The following DSE variants were observed in gnomAD, a reference collection of about 807,000 sequenced individuals.
DSE encodes dermatan sulfate epimerase.
Under a neutral mutation model 84.4 loss-of-function variants are expected in DSE, and 36 were observed. The observed-to-expected ratio is 0.43, with a 90% CI of 0.33 to 0.56. The LOEUF is 0.56. DSE is among the 20% of genes least tolerant of loss of function. The pLI is 0.06. For synonymous variants in DSE, 410 were observed against 430.1 expected (o/e 0.95, Z 0.58); for missense variants, 862 against 1,169.6 (o/e 0.74, Z 3.84).
At chr6:116,340,769 C>A (rs1220208064) in intron 2 of DSE, among the ~76,000 whole-genome samples, 1 of 152,012 alleles carries the variant, frequency 6.6e-6, no homozygotes, top group African/African-American at 2.4e-5. Flanking sequence ...ATAGTTTGCT[C>A]AGAATGATGG....
At chr6:116,262,044 G>A (rs1772436162) in intron 2 of DSE, among the ~76,000 whole-genome samples, 1 of 152,306 alleles carries the variant, frequency 6.6e-6, no homozygotes, top group South Asian at 2.1e-4. Flanking sequence ...AAAGATATTG[G>A]CCTGAAATTT....
intron 2 of DSE, among the ~76,000 whole-genome samples, chr6:116,363,504 T>A (rs1779016199): frequency 6.6e-6 from 1 of 152,046 alleles, no homozygotes; most frequent in Non-Finnish European, 1.5e-5. Flanking sequence ...AACAGGAAAT[T>A]CAGAAAATTG....
At chr6:116,355,851 A>T (rs1249560924) in intron 2 of DSE, 1 of 152,224 alleles carries the variant, frequency 6.6e-6, no homozygotes, top group Admixed American at 6.5e-5. Flanking sequence ...ACATTTGCTC[A>T]TTGTTCTTTA....
chr6:116,435,403 A>G (rs973454736), intron 5 of DSE, among the ~76,000 whole-genome samples, 184 bp from the exon 6 acceptor site: 4 of 152,222 alleles, frequency 2.6e-5, no homozygotes, highest in Admixed American at 6.5e-5. Flanking sequence ...TTCCTCTTCC[A>G]GTCACCAAGG....
chr6:116,337,977 G>C (rs957107847), intron 2 of DSE, among the ~76,000 whole-genome samples: 5 of 151,920 alleles, frequency 3.3e-5, no homozygotes, highest in Non-Finnish European at 1.5e-5. Flanking sequence ...TGATTATGAA[G>C]ACTATAACTT....
intron 2 of DSE, among the ~76,000 whole-genome samples, chr6:116,413,251 C>T (rs1230290998): frequency 6.6e-6 from 1 of 152,182 alleles, no homozygotes; most frequent in Non-Finnish European, 1.5e-5. Flanking sequence ...TATGCCTTGT[C>T]CTCATTTTCT....
chr6:116,404,745 G>A (rs1781805998), intron 2 of DSE, among the ~76,000 whole-genome samples: 1 of 152,190 alleles, frequency 6.6e-6, no homozygotes, highest in Non-Finnish European at 1.5e-5. Flanking sequence ...TAGGTTTCTT[G>A]GTACACAGTA....
chr6:116,436,707 C>A lies in DSE; in HGVS notation c.2239C>A (p.Gln747Lys), dbSNP rs1784181791. 2 of 1,614,042 alleles carry A rather than the reference C, an allele frequency of 1.2e-6. No individual in the cohort carries two copies. Among genetic ancestry groups the A allele is most frequent in the Non-Finnish European group, 1.7e-6 (2 of 1,180,028 alleles). Residue 747 changes from glutamine to lysine, a missense_variant, in exon 6 of 6, where the codon CAG (glutamine) becomes AAG (lysine). This residue lies in a region of DSE where 315 missense variants were observed against 348.1 expected (regional missense o/e 0.90). Transcript: ENST00000644252. Reference sequence around the variant, plus strand: ...TGCTGCTATTGTGGAACAGAACTTGCAGCATTTTAAACCAGTGTTTCAGCT... The same window carrying A: ...TGCTGCTATTGTGGAACAGAACTTGAAGCATTTTAAACCAGTGTTTCAGCT... ...DYAAIVEQNL[Q>K]HFKPVFQLLE...
chr6:116,310,476 G>C (rs1775627174), intron 2 of DSE, among the ~76,000 whole-genome samples: 1 of 151,324 alleles, frequency 6.6e-6, no homozygotes. Context: ...TGTCCTTCTT[G>C]ACATCTTCCC....
At chr6:116,431,360 C>T (rs1021192798) in intron 4 of DSE, among the ~76,000 whole-genome samples, 167 bp downstream of exon 4, 2 of 151,944 alleles carry the variant, frequency 1.3e-5, no homozygotes, top group African/African-American at 4.8e-5. Context: ...TTGCATATAG[C>T]CAGAACATTT....
At chr6:116,299,543 T>TACACAC (rs1295720528) in intron 2 of DSE, among the ~76,000 whole-genome samples, 5 of 27,458 alleles carry the variant, frequency 1.8e-4, no homozygotes, top group African/African-American at 6.3e-4. Flanking sequence ...TATATATATA[T>TACACAC]ATATATATAC....
intron 4 of DSE, among the ~76,000 whole-genome samples, chr6:116,432,138 A>G (rs1237662602): frequency 1.3e-5 from 2 of 152,200 alleles, no homozygotes; most frequent in Non-Finnish European, 2.9e-5. Flanking sequence ...CATGCAGGAG[A>G]GGCCTGTTTT....
intron 2 of DSE, among the ~76,000 whole-genome samples, chr6:116,333,110 T>G (rs1777046034): frequency 1.3e-5 from 2 of 152,152 alleles, no homozygotes; most frequent in African/African-American, 4.8e-5. Flanking sequence ...CAGGATAAAA[T>G]TTTCAATGAA....
At chr6:116,362,040 A>G (rs933492453) in intron 2 of DSE, among the ~76,000 whole-genome samples, 6 of 152,226 alleles carry the variant, frequency 3.9e-5, no homozygotes, top group African/African-American at 1.4e-4. Context: ...ACCCTCAGAG[A>G]TATTCTGCAC....
chr6:116,385,077 G>A (rs565118335), intron 1 of DSE, among the ~76,000 whole-genome samples: 2 of 152,294 alleles, frequency 1.3e-5, no homozygotes, highest in South Asian at 4.2e-4. Context: ...AGGCATTTGG[G>A]GCAGAGGGAA....
intron 2 of DSE, among the ~76,000 whole-genome samples, chr6:116,354,063 A>G (rs1419474470): frequency 6.6e-6 from 1 of 152,140 alleles, no homozygotes; most frequent in Non-Finnish European, 1.5e-5. Flanking sequence ...ATGTACACCT[A>G]TATCTACAGC....
intron 2 of DSE, among the ~76,000 whole-genome samples, chr6:116,413,955 T>G (rs1318178595): frequency 1.3e-5 from 2 of 152,198 alleles, no homozygotes. Context: ...CCCTTTTGCC[T>G]GCCGTGTTCT....
intron 2 of DSE, among the ~76,000 whole-genome samples, chr6:116,324,948 G>A (rs1433183411): frequency 6.6e-6 from 1 of 152,180 alleles, no homozygotes; most frequent in African/African-American, 2.4e-5. Flanking sequence ...CACTGATAAG[G>A]AGTGCTAATG....
chr6:116,401,135 A>G (rs1193026213), intron 2 of DSE: 1 of 152,172 alleles, frequency 6.6e-6, no homozygotes, highest in East Asian at 1.9e-4. Context: ...AGCACAATAC[A>G]GTAACATGAG....
Sources: allele counts gnomAD v4.1 joint callset (sites outside exome capture counted in the v4.1 genomes callset), GRCh38; gene constraint gnomAD v4.1.1; regional missense constraint gnomAD v4.1.1; transcripts MANE v1.5; gene names NCBI Gene and HGNC (gene_info 2026-07-23, HGNC 2026-07-21).